The following TCF3 variants were observed in gnomAD, a reference collection of about 807,000 sequenced individuals.
The protein encoded by TCF3 is transcription factor E2-alpha.
TCF3 carries 54 observed loss-of-function variants against 72.3 expected under a neutral mutation model. The observed-to-expected ratio is 0.75, with a 90% CI of 0.60 to 0.94. The LOEUF is 0.94. Among genes scored for constraint, TCF3 ranks in the 40% least tolerant of loss-of-function variants. The pLI, the probability that TCF3 is intolerant of heterozygous loss-of-function variation, is 0.00. For missense variants in TCF3, 1,078 were observed against 934.4 expected (o/e 1.15, Z -2.00); for synonymous variants, 525 against 412.6 (o/e 1.27, Z -3.30).
chr19:1,631,951 C>T (rs765700860), intron 5 of TCF3, 87 bp downstream of exon 5: 12 of 1,554,348 alleles, frequency 7.7e-6, no homozygotes, highest in South Asian at 3.5e-5. Flanking sequence ...GGGGACTTGC[C>T]TGGCGCTGTG....
At position 1,627,438 on chromosome 19, in the gene TCF3, G is replaced by A. The variant is rs2063024292; in HGVS notation, c.299-12C>T. On this transcript the variant is annotated splice_polypyrimidine_tract_variant and intron_variant, in intron 5 of 18. Transcript: ENST00000262965. Reference sequence around the variant, plus strand: ...CTCACCGCTCTTGCCTGCAAGGGGAGAAGGAAGGTTAGTGGGAGGCGACCC... The same window carrying A: ...CTCACCGCTCTTGCCTGCAAGGGGAAAAGGAAGGTTAGTGGGAGGCGACCC... 11 of 1,611,658 alleles carry A rather than the reference G, an allele frequency of 6.8e-6. No homozygotes were observed. Among genetic ancestry groups the A allele is most frequent in the Middle Eastern group, 1.7e-4 (1 of 5,994 alleles).
chr19:1,648,084 G>C (rs866120378), intron 2 of TCF3, among the ~76,000 whole-genome samples: 2 of 152,162 alleles, frequency 1.3e-5, no homozygotes, highest in Non-Finnish European at 2.9e-5. Flanking sequence ...CTTCGTTCCC[G>C]ACCAAAGCTA....
intron 16 of TCF3, among the ~76,000 whole-genome samples, chr19:1,617,339 T>G (rs979983035): frequency 6.6e-6 from 1 of 152,168 alleles, no homozygotes; most frequent in Non-Finnish European, 1.5e-5. Flanking sequence ...ACACCACACA[T>G]GTACCCCACA....
rs2063834093 is a variant in TCF3, at chr19:1,632,516, AC to A, written c.146-112del. 3 of 1,102,708 alleles carry A rather than the reference AC, an allele frequency of 2.7e-6. No homozygotes were observed. In the African/African-American group the frequency reaches 4.7e-5, roughly 17 times the overall value. The allele number at this position is 1,102,708 out of a possible 1,614,324, so 68.3% of individuals were successfully genotyped here. ...TCAGTGGACCCGGGGGGCTTGTGGA[AC>A]CCTTCCTAACCCAGCCTCACCCAGC... On this transcript the variant is annotated intron_variant, in intron 3 of 18. Coordinates refer to ENST00000262965, the MANE Select transcript of TCF3 (RefSeq NM_003200.5).
At position 1,619,296 on chromosome 19, in the gene TCF3, C is replaced by CACCCTCGCCCAGCGCT; in HGVS notation, c.1326+4_1326+19dup. On this transcript the variant is annotated intron_variant, in intron 15 of 18. Transcript: ENST00000262965. ...CGGGTCCCCGCCCACTGCCCAGCTC[C>CACCCTCGCCCAGCGCT]ACCCTCGCCCAGCGCTCACCAGGCC... The CACCCTCGCCCAGCGCT allele has an allele frequency of 6.4e-7, 1 of 1,566,814 alleles. No homozygotes were observed. The highest frequency in any genetic ancestry group is 8.6e-7 in the Non-Finnish European group (1 of 1,162,446).
intron 3 of TCF3, among the ~76,000 whole-genome samples, chr19:1,639,107 G>A (rs184317630): frequency 1.1e-4 from 17 of 152,260 alleles, no homozygotes; most frequent in Non-Finnish European, 1.5e-4. Context: ...GCGGTGGCGC[G>A]ATCTCAGCTC....
rs10403601 is a variant in TCF3 at position 1,625,384 on chromosome 19, C to T, written c.499+192G>A. Among the ~76,000 whole-genome samples the T allele has an allele frequency of 5.1e-3, 777 of 152,372 alleles. 4 individuals are homozygous for T. The highest frequency in any genetic ancestry group is 0.018 in the African/African-American group (730 of 41,588). Reference sequence around the variant, plus strand: ...TAGGAACCTCTCCCTGGACGTGCCACGCCCGCCGGCCCCTGCCTCGACCCC... The same window carrying T: ...TAGGAACCTCTCCCTGGACGTGCCATGCCCGCCGGCCCCTGCCTCGACCCC... On this transcript the variant is annotated intron_variant, in intron 7 of 18. Transcript: ENST00000262965.
chr19:1,621,806 C>T (rs749779312), intron 11 of TCF3, 32 bp downstream of exon 11: 41 of 1,552,824 alleles, frequency 2.6e-5, no homozygotes, highest in Middle Eastern at 2.0e-4. Flanking sequence ...AGTGTCCCCT[C>T]GGAGAGGCCG....
chr19:1,625,662 AG>A lies in TCF3; in HGVS notation c.412del (p.Leu138CysfsTer6). ...GGTCCCCTTCATGCCCGAAGGGGAC[AG>A]GGGCCCGGGGCTGTTGAGGGCCAGC... ...GELALNSPGP[L>X]SPSGMKGTSQ... On this transcript the variant is annotated frameshift_variant, in exon 7 of 19. Coordinates refer to ENST00000262965, the MANE Select transcript of TCF3 (RefSeq NM_003200.5). LOFTEE classifies it high-confidence loss of function. The A allele has an allele frequency of 6.5e-7, 1 of 1,535,836 alleles. No homozygotes were observed. Among genetic ancestry groups the A allele is most frequent in the Admixed American group, 2.2e-5 (1 of 44,908 alleles).
intron 2 of TCF3, among the ~76,000 whole-genome samples, chr19:1,649,743 A>T (rs531447505): frequency 2.4e-4 from 36 of 152,196 alleles, no homozygotes; most frequent in African/African-American, 5.8e-4. Context: ...TTACTGAAAC[A>T]GGGTCTCCAG....
chr19:1,621,269 C>T (rs1453475956), intron 11 of TCF3, 78 bp from the exon 12 acceptor site: 42 of 1,467,054 alleles, frequency 2.9e-5, no homozygotes, highest in Non-Finnish European at 3.5e-5. Flanking sequence ...TGCGTTCTGC[C>T]GTCCTGCACA....
intron 3 of TCF3, among the ~76,000 whole-genome samples, chr19:1,635,961 G>A (rs995264237): frequency 1.3e-5 from 2 of 152,122 alleles, no homozygotes; most frequent in African/African-American, 4.8e-5. Flanking sequence ...GCCTCGCCCC[G>A]TCTCTTCTTC....
Position 1,635,444 on chromosome 19 carries a change from C to T in TCF3, c.146-3039G>A, listed in dbSNP as rs113495631. On this transcript the variant is annotated intron_variant, in intron 3 of 18. Transcript: ENST00000262965. Reference sequence around the variant, plus strand: ...TCCCCACCGTCCTCAGGATAAAGACCAAACTCTTTCCTGATCTCACCACTC... The same window carrying T: ...TCCCCACCGTCCTCAGGATAAAGACTAAACTCTTTCCTGATCTCACCACTC... Among the ~76,000 whole-genome samples, 1,254 of 152,154 alleles carry T rather than the reference C, an allele frequency of 8.2e-3. 16 individuals are homozygous for T. The highest frequency in any genetic ancestry group is 0.013 in the Non-Finnish European group (887 of 68,008).
At chr19:1,625,008 G>A (rs1210564146) in intron 7 of TCF3, among the ~76,000 whole-genome samples, 1 of 152,156 alleles carries the variant, frequency 6.6e-6, no homozygotes, top group Non-Finnish European at 1.5e-5. Flanking sequence ...ACCATACTTA[G>A]CTAATTTTTA....
At chr19:1,632,168 C>T (rs1008317277) in intron 4 of TCF3, 52 bp from the exon 5 acceptor site, 1 of 1,586,798 alleles carries the variant, frequency 6.3e-7, no homozygotes, top group East Asian at 2.3e-5. Flanking sequence ...CAGGCCCCCC[C>T]TCCACCCCGC....
intron 3 of TCF3, among the ~76,000 whole-genome samples, chr19:1,634,574 G>C (rs1457747738): frequency 2.0e-5 from 3 of 152,246 alleles, no homozygotes; most frequent in African/African-American, 7.2e-5. Flanking sequence ...CTGCTTCAGA[G>C]AGGCCATCCG....
chr19:1,645,634 T>C (rs995757282), intron 3 of TCF3, among the ~76,000 whole-genome samples: 2 of 152,214 alleles, frequency 1.3e-5, no homozygotes, highest in South Asian at 4.1e-4. Flanking sequence ...AGGTCCCGCT[T>C]TGGGGCAACC....
chr19:1,629,205 G>A (rs186048094), intron 5 of TCF3, among the ~76,000 whole-genome samples: 49 of 152,128 alleles, frequency 3.2e-4, no homozygotes, highest in Middle Eastern at 3.4e-3. Flanking sequence ...TGTTTCAGGC[G>A]TTGAGGGGCT....
Position 1,618,741 on chromosome 19 carries a change from C to T in TCF3, c.1450+370G>A, listed in dbSNP as rs78527094. Among the ~76,000 whole-genome samples the T allele has an allele frequency of 6.6e-3, 998 of 152,338 alleles. 14 individuals carry two copies. The highest frequency in any genetic ancestry group is 0.022 in the African/African-American group (907 of 41,570). On this transcript the variant is annotated intron_variant, in intron 16 of 18. Coordinates refer to ENST00000262965, the MANE Select transcript of TCF3 (RefSeq NM_003200.5). The stretch of plus-strand genomic sequence containing the variant: ...AAGCCATACAAAACCCCCAACCCAC[C>T]GCAGCCACTTCGTTCCTTCTCCCTG...
Sources: allele counts gnomAD v4.1 joint callset (sites outside exome capture counted in the v4.1 genomes callset), GRCh38; gene constraint gnomAD v4.1.1; transcripts MANE v1.5; gene names NCBI Gene and HGNC (gene_info 2026-07-23, HGNC 2026-07-21).